The following BCAS3 variants were observed in gnomAD, a reference collection of about 807,000 sequenced individuals.
BCAS3 encodes BCAS3 microtubule associated cell migration factor.
Under a neutral mutation model 116.1 loss-of-function variants are expected in BCAS3, and 53 were observed. The ratio of observed to expected loss-of-function variants is 0.46; its 90% CI spans 0.37 to 0.57. BCAS3 has a LOEUF of 0.57. Among genes scored for constraint, BCAS3 ranks in the 20% least tolerant of loss-of-function variants. The pLI, the probability that BCAS3 is intolerant of heterozygous loss-of-function variation, is 0.00. For missense variants in BCAS3, 917 were observed against 1,165.4 expected (o/e 0.79, Z 3.10); for synonymous variants, 391 against 408.2 (o/e 0.96, Z 0.51).
intron 22 of BCAS3, among the ~76,000 whole-genome samples, chr17:61,330,032 A>G (rs2056132998): frequency 1.3e-5 from 2 of 152,226 alleles, no homozygotes; most frequent in African/African-American, 4.8e-5. Context: ...GAAATTGCCA[A>G]GTAAACCAAT....
At chr17:60,882,668 A>G (rs1228334088) in intron 9 of BCAS3, among the ~76,000 whole-genome samples, 1 of 149,034 alleles carries the variant, frequency 6.7e-6, no homozygotes, top group East Asian at 1.9e-4. Context: ...ATGGCTAGCC[A>G]GTTTTCCCAG....
At chr17:61,341,696 G>C (rs894210309) in intron 22 of BCAS3, among the ~76,000 whole-genome samples, 2 of 152,140 alleles carry the variant, frequency 1.3e-5, no homozygotes, top group Non-Finnish European at 2.9e-5. Flanking sequence ...AGCACACCCA[G>C]TCCAAAGCCG....
chr17:61,352,610 G>A lies in BCAS3; in HGVS notation c.2426-15717G>A, dbSNP rs780888417. ...CCTCGGAATCTCTTTACCCGTAGGC[G>A]CCACACTTGGCACACAATGAGTCTG... On this transcript the variant is annotated intron_variant, in intron 22 of 23. Transcript: ENST00000407086. The surrounding 1 kb of genome is among the most constrained non-coding windows in gnomAD (Gnocchi z 4.7). Among the ~76,000 whole-genome samples, 14 of 152,182 alleles carry A rather than the reference G, an allele frequency of 9.2e-5. No homozygotes were observed. The highest frequency in any genetic ancestry group is 2.1e-4 in the South Asian group (1 of 4,822).
At chr17:60,733,412 G>T (rs1035163401) in intron 5 of BCAS3, among the ~76,000 whole-genome samples, 1 of 152,136 alleles carries the variant, frequency 6.6e-6, no homozygotes, top group Non-Finnish European at 1.5e-5. Context: ...CTCTTCCCAG[G>T]TGAAATTAGA....
intron 6 of BCAS3, among the ~76,000 whole-genome samples, chr17:60,792,047 C>T (rs1306041872): frequency 1.3e-5 from 2 of 152,090 alleles, no homozygotes; most frequent in Non-Finnish European, 2.9e-5. Flanking sequence ...TGCTTGAACC[C>T]GGGAGGTGGA....
chr17:60,983,302 A>G (rs1217099947), intron 14 of BCAS3, among the ~76,000 whole-genome samples: 4 of 152,174 alleles, frequency 2.6e-5, no homozygotes, highest in Non-Finnish European at 4.4e-5. Context: ...AGATAATGTC[A>G]TCACCTTATT....
At chr17:61,169,893 C>G (rs1197927166) in intron 22 of BCAS3, among the ~76,000 whole-genome samples, 1 of 152,164 alleles carries the variant, frequency 6.6e-6, no homozygotes, top group Non-Finnish European at 1.5e-5. Context: ...CTTGCACTGT[C>G]GCCCAGGCTG....
chr17:60,806,260 T>C (rs1206265542), intron 6 of BCAS3, among the ~76,000 whole-genome samples: 2 of 152,180 alleles, frequency 1.3e-5, no homozygotes, highest in Admixed American at 1.3e-4. Context: ...AGTTTAACAA[T>C]GTTCATTTAT....
At chr17:61,360,919 CTGCTTAACATA>C (rs2143443244) in intron 22 of BCAS3, among the ~76,000 whole-genome samples, 1 of 152,328 alleles carries the variant, frequency 6.6e-6, no homozygotes, top group South Asian at 2.1e-4. Flanking sequence ...CCCAGGTCTT[CTGCTTAACATA>C]TGCCTTTAAT....
intron 7 of BCAS3, among the ~76,000 whole-genome samples, chr17:60,819,399 TATA>T (rs993251003): frequency 2.0e-5 from 3 of 152,240 alleles, no homozygotes; most frequent in Non-Finnish European, 4.4e-5. Context: ...TATTTTAAAC[TATA>T]ATATTTAAAC....
intron 7 of BCAS3, among the ~76,000 whole-genome samples, chr17:60,855,957 A>G (rs901634934): frequency 6.6e-6 from 1 of 152,142 alleles, no homozygotes; most frequent in Non-Finnish European, 1.5e-5. Context: ...TGCTGGGATT[A>G]CAGGTGTGAG....
chr17:60,760,090 C>T (rs1283262262), intron 6 of BCAS3, among the ~76,000 whole-genome samples: 1 of 152,208 alleles, frequency 6.6e-6, no homozygotes, highest in Non-Finnish European at 1.5e-5. Context: ...AAGTGCATTT[C>T]TTGTAGCCAT....
Position 60,842,591 on chromosome 17 carries a change from ATCT to A in BCAS3, c.477-25981_477-25979del, listed in dbSNP as rs566653011. Among the ~76,000 whole-genome samples, 200 of 152,032 alleles carry A rather than the reference ATCT, an allele frequency of 1.3e-3. 1 individual carries two copies. Among genetic ancestry groups the A allele is most frequent in the African/African-American group, 4.4e-3 (182 of 41,476 alleles). ...TATTCTGCATACTCTACGGGACATG[ATCT>A]TCTGTGATTCTACATTGTGGGTTAT... On this transcript the variant is annotated intron_variant, in intron 7 of 23. Transcript: ENST00000407086.
intron 6 of BCAS3, among the ~76,000 whole-genome samples, chr17:60,753,803 T>C (rs1395913485): frequency 1.3e-5 from 2 of 151,678 alleles, no homozygotes; most frequent in Non-Finnish European, 2.9e-5. Context: ...TTGGACAAAA[T>C]TTCTGTTTTA....
In BCAS3 at chr17:60,994,947, T is replaced by G. The variant is rs2063744013; in HGVS notation, c.1486+4712T>G. Reference sequence around the variant, plus strand: ...GCACAAAGTCTTTTTGGTGTTTCTATTTGTATCTTGGCAGTTGACATAGAT... The same window carrying G: ...GCACAAAGTCTTTTTGGTGTTTCTAGTTGTATCTTGGCAGTTGACATAGAT... On this transcript the variant is annotated intron_variant, in intron 15 of 23. Transcript: ENST00000407086. This position sits in a 1 kb window ranked among gnomAD's most constrained non-coding sequence, Gnocchi z 4.4. Among the ~76,000 whole-genome samples the G allele has an allele frequency of 6.6e-6, 1 of 152,206 alleles. No individual in the cohort carries two copies. The highest frequency in any genetic ancestry group is 6.5e-5 in the Admixed American group (1 of 15,278).
chr17:61,370,198 A>T (rs1187892733), intron 23 of BCAS3, among the ~76,000 whole-genome samples: 1 of 152,090 alleles, frequency 6.6e-6, no homozygotes, highest in East Asian at 1.9e-4. Flanking sequence ...TAAAAAGAAT[A>T]AAAAAAGAGA....
chr17:60,930,733 C>T (rs1354446577), intron 13 of BCAS3, among the ~76,000 whole-genome samples: 1 of 152,212 alleles, frequency 6.6e-6, no homozygotes, highest in African/African-American at 2.4e-5. Context: ...GTTGGGATTA[C>T]AGACGTGAGC....
At chr17:60,916,981 C>T (rs1009561546) in intron 12 of BCAS3, among the ~76,000 whole-genome samples, 1 of 152,126 alleles carries the variant, frequency 6.6e-6, no homozygotes, top group Non-Finnish European at 1.5e-5. Context: ...TGTGCATTCA[C>T]TTTGTAAAAG....
chr17:61,128,706 AGTC>A lies in BCAS3; in HGVS notation c.2425+44146_2425+44148del. On this transcript the variant is annotated intron_variant, in intron 22 of 23. Transcript: ENST00000407086. This position sits in a 1 kb window ranked among gnomAD's most constrained non-coding sequence, Gnocchi z 4.1. ...AACATCTGGAAACCAGCATATTGGC[AGTC>A]GTCTCACAACATGATTTTGCATTTA... The A allele has an allele frequency of 1.5e-6, 1 of 649,798 alleles. No individual in the cohort carries two copies. Among genetic ancestry groups the A allele is most frequent in the Non-Finnish European group, 1.9e-6 (1 of 523,698 alleles). 40.3% of individuals were successfully genotyped at this position (649,798 alleles called of 1,614,324 possible).
Sources: allele counts gnomAD v4.1 joint callset (sites outside exome capture counted in the v4.1 genomes callset), GRCh38; gene constraint gnomAD v4.1.1; non-coding constraint Gnocchi (gnomAD v3.1); transcripts MANE v1.5; gene names NCBI Gene and HGNC (gene_info 2026-07-23, HGNC 2026-07-21).